The following GALK2 variants were observed in gnomAD, a reference collection of about 807,000 sequenced individuals.
GALK2 encodes the protein galactokinase 2, also known as N-acetylgalactosamine kinase.
A neutral mutation model predicts 52.4 loss-of-function variants in GALK2; 36 were observed. The ratio of observed to expected loss-of-function variants is 0.69; its 90% CI spans 0.53 to 0.91. GALK2 has a LOEUF of 0.91. GALK2 is among the 40% of genes least tolerant of loss of function. The pLI, the probability that GALK2 is intolerant of heterozygous loss-of-function variation, is 0.00. For missense variants in GALK2, 579 were observed against 559.1 expected, an observed-to-expected ratio of 1.04 and a Z score of -0.36; for synonymous variants, 176 against 199.1, an observed-to-expected ratio of 0.88 and a Z score of 0.98.
At chr15:49,261,077 A>G (rs1160414123) in intron 5 of GALK2, among the ~76,000 whole-genome samples, 2 of 151,506 alleles carry the variant, frequency 1.3e-5, no homozygotes, top group Non-Finnish European at 2.9e-5. Context: ...TATGAACTTT[A>G]AAGTAGTTTT....
At chr15:49,180,475 A>G (rs1342327517) in intron 1 of GALK2, among the ~76,000 whole-genome samples, 1 of 152,212 alleles carries the variant, frequency 6.6e-6, no homozygotes, top group Non-Finnish European at 1.5e-5. Flanking sequence ...CTCTAGATAT[A>G]TTACAATGAA....
chr15:49,315,600 G>A (rs574071654), intron 8 of GALK2, among the ~76,000 whole-genome samples: 3 of 152,294 alleles, frequency 2.0e-5, no homozygotes, highest in Admixed American at 1.3e-4. Flanking sequence ...TGTAGCTTTT[G>A]GCAAGATTTT....
chr15:49,281,655 A>G (rs188618143), intron 5 of GALK2, among the ~76,000 whole-genome samples: 253 of 152,360 alleles, frequency 1.7e-3, no homozygotes, highest in Non-Finnish European at 2.6e-3. Flanking sequence ...ATGATTGCCC[A>G]TATGAGATTT....
chr15:49,237,462 GTTTTTTTGTTTTTGTTTT>G (rs1164052474), intron 4 of GALK2, among the ~76,000 whole-genome samples: 1 of 151,440 alleles, frequency 6.6e-6, no homozygotes, highest in East Asian at 1.9e-4. Context: ...TTTTGTTTTT[GTTTTTTTGTTTTTGTTTT>G]TGTTTTTGTT....
At chr15:49,303,097 C>G (rs112381979) in intron 8 of GALK2, among the ~76,000 whole-genome samples, 9,170 of 152,098 alleles carry the variant, frequency 0.06, 552 homozygotes, top group African/African-American at 0.15. Context: ...TCTCAGTTGT[C>G]TGGCTGTGGA....
chr15:49,364,909 C>T (rs1171044398), intron 3 of GALK2, among the ~76,000 whole-genome samples: 1 of 151,710 alleles, frequency 6.6e-6, no homozygotes, highest in East Asian at 1.9e-4. Flanking sequence ...CTACACAGAC[C>T]ATATCCTTTT....
At chr15:49,203,657 A>C (rs550490258) in intron 2 of GALK2, among the ~76,000 whole-genome samples, 10 of 152,260 alleles carry the variant, frequency 6.6e-5, no homozygotes, top group African/African-American at 2.4e-4. Context: ...TCATAGTTTC[A>C]GTTCTGATGT....
chr15:49,358,769 T>C lies in GALK2; in HGVS notation c.427-8722T>C, dbSNP rs921320299. On this transcript the variant is annotated intron_variant, in intron 3 of 3. Coordinates refer to the GALK2 transcript ENST00000558399. ...GTTCATATGGAACCAAAAAAGAGCC[T>C]GCATCGCCAAGTCAAACTTAAGCCA... Among the ~76,000 whole-genome samples the C allele has an allele frequency of 5.3e-5, 8 of 152,184 alleles. No individual in the cohort carries two copies. The South Asian group carries it at 1.0e-3, about 20-fold the overall frequency.
At position 49,331,602 on chromosome 15, in the gene GALK2, T is replaced by C. The variant is rs1361339705; in HGVS notation, c.*3443T>C. ...GGGGAATGTGAACATGAGTTGTCAC[T>C]AAATATGTAAAACAGATTTTCTTAC... On this transcript the variant is annotated 3_prime_UTR_variant, in exon 10 of 10. Coordinates refer to ENST00000560031, the MANE Select transcript of GALK2 (RefSeq NM_002044.4). 1.8e-6 allele frequency: 1 copy of C among 549,352 alleles called. No individual in the cohort carries two copies. Among genetic ancestry groups the C allele is most frequent in the Non-Finnish European group, 3.2e-6 (1 of 310,474 alleles). 34.0% of individuals were successfully genotyped at this position (549,352 alleles called of 1,614,324 possible).
chr15:49,269,242 A>G (rs1284066963), intron 5 of GALK2, among the ~76,000 whole-genome samples: 1 of 152,176 alleles, frequency 6.6e-6, no homozygotes, highest in African/African-American at 2.4e-5. Flanking sequence ...CCGCAAATAT[A>G]TATTTAAAAA....
Position 49,241,857 on chromosome 15 carries a change from C to G in GALK2, c.504+2490C>G, listed in dbSNP as rs538966348. On this transcript the variant is annotated intron_variant, in intron 5 of 9. Transcript: ENST00000560031. ...AACCCTTAGAATTAATTCTGATTGT[C>G]TGTTTTCAAAGTCGGAAATAGCAAA... 9.1e-4 allele frequency among the ~76,000 whole-genome samples: 133 copies of G among 146,894 alleles called. 1 individual carries two copies. Among genetic ancestry groups the G allele is most frequent in the African/African-American group, 3.2e-3 (124 of 39,166 alleles).
intron 5 of GALK2, among the ~76,000 whole-genome samples, chr15:49,274,186 T>C: frequency 6.6e-6 from 1 of 152,114 alleles, no homozygotes; most frequent in East Asian, 1.9e-4. Context: ...GTTAGGTGAT[T>C]TTGTCATTGT....
In GALK2 at chr15:49,328,938, T is replaced by C. The variant is rs993179433; in HGVS notation, c.*779T>C. The C allele has an allele frequency of 1.8e-6, 2 of 1,141,162 alleles. No homozygotes were observed. The highest frequency in any genetic ancestry group is 2.2e-6 in the Non-Finnish European group (2 of 923,936). 70.7% of individuals were successfully genotyped at this position (1,141,162 alleles called of 1,614,324 possible). ...TTAGATAAAAAACACTTTAAGACTC[T>C]TCTATTCACATTGAAATAAAGAATT... is the stretch of plus-strand genomic sequence containing the variant. On this transcript the variant is annotated 3_prime_UTR_variant, in exon 10 of 10. Transcript: ENST00000560031.
chr15:49,265,066 C>A (rs1350272295), intron 5 of GALK2, among the ~76,000 whole-genome samples: 1 of 152,192 alleles, frequency 6.6e-6, no homozygotes, highest in Non-Finnish European at 1.5e-5. Context: ...ATTCTCAGAT[C>A]TCCAGCTGCG....
intron 2 of GALK2, among the ~76,000 whole-genome samples, chr15:49,201,574 T>C (rs1176256943): frequency 1.3e-5 from 2 of 152,194 alleles, no homozygotes; most frequent in African/African-American, 4.8e-5. Flanking sequence ...GGTTTTATAT[T>C]TACTCACTGG....
chr15:49,205,513 C>T (rs2088204501), intron 2 of GALK2, among the ~76,000 whole-genome samples: 1 of 152,148 alleles, frequency 6.6e-6, no homozygotes, highest in African/African-American at 2.4e-5. Context: ...TGTTTGTTGG[C>T]CATTTCTATA....
intron 8 of GALK2, chr15:49,318,979 C>T (rs546025965): frequency 2.5e-5 from 11 of 443,412 alleles, no homozygotes; most frequent in Middle Eastern, 7.1e-4. Context: ...GAGACGGAGT[C>T]GTGCTCTATC....
chr15:49,234,198 A>C (rs1403933076), intron 3 of GALK2, among the ~76,000 whole-genome samples: 1 of 151,996 alleles, frequency 6.6e-6, no homozygotes, highest in Non-Finnish European at 1.5e-5. Flanking sequence ...TGATTTTAGG[A>C]GCCTATTTAT....
chr15:49,278,260 C>A (rs987447591), intron 5 of GALK2, among the ~76,000 whole-genome samples: 1 of 151,938 alleles, frequency 6.6e-6, no homozygotes, highest in East Asian at 1.9e-4. Context: ...GACACTGACT[C>A]AAAAAAACAA....
Sources: allele counts gnomAD v4.1 joint callset (sites outside exome capture counted in the v4.1 genomes callset), GRCh38; gene constraint gnomAD v4.1.1; transcripts MANE v1.5; gene names NCBI Gene and HGNC (gene_info 2026-07-23, HGNC 2026-07-21).